TFAP2D: variants seen among roughly 807,000 people sequenced by gnomAD.
The protein encoded by TFAP2D is transcription factor AP-2-delta.
In TFAP2D, 9 loss-of-function variants were observed where a neutral mutation model predicts 43.6. That is an observed-to-expected ratio of 0.21 (90% CI 0.12 to 0.36). TFAP2D has a LOEUF of 0.36. TFAP2D is among the 10% of genes least tolerant of loss of function. The pLI is 1.00. For missense variants in TFAP2D, 513 were observed against 561.4 expected (o/e 0.91, Z 0.87); for synonymous variants, 256 against 224.9 (o/e 1.14, Z -1.24).
intron 5 of TFAP2D, among the ~76,000 whole-genome samples, chr6:50,734,675 C>T (rs2114042088): frequency 6.6e-6 from 1 of 152,222 alleles, no homozygotes; most frequent in African/African-American, 2.4e-5. Flanking sequence ...CTACTATTCT[C>T]ATTCTATAAG....
intron 5 of TFAP2D, among the ~76,000 whole-genome samples, chr6:50,738,848 T>C (rs1054985371): frequency 6.6e-6 from 1 of 152,192 alleles, no homozygotes; most frequent in African/African-American, 2.4e-5. Context: ...TCCAGCCAGA[T>C]AGAGGCTCTT....
chr6:50,720,740 G>A (rs1228085462), intron 3 of TFAP2D, among the ~76,000 whole-genome samples: 1 of 152,124 alleles, frequency 6.6e-6, no homozygotes, highest in Non-Finnish European at 1.5e-5. Flanking sequence ...GGTCTGTTGG[G>A]ACGGGTAAAA....
At chr6:50,755,445 A>AC (rs10694153) in intron 7 of TFAP2D, among the ~76,000 whole-genome samples, 7 of 151,268 alleles carry the variant, frequency 4.6e-5, no homozygotes, top group Admixed American at 2.6e-4. Flanking sequence ...AAAAAAAAAA[A>AC]CTCAAGGATT....
At chr6:50,730,020 G>T (rs1475220385) in intron 5 of TFAP2D, among the ~76,000 whole-genome samples, 1 of 151,710 alleles carries the variant, frequency 6.6e-6, no homozygotes. Flanking sequence ...TTAACATTGT[G>T]GGGAACTTTT....
intron 5 of TFAP2D, among the ~76,000 whole-genome samples, chr6:50,742,270 A>G (rs1769056321): frequency 6.6e-6 from 1 of 151,896 alleles, no homozygotes; most frequent in Non-Finnish European, 1.5e-5. Flanking sequence ...ATCCTGTAAC[A>G]ATGTTATATC....
At chr6:50,734,013 TG>T (rs919851858) in intron 5 of TFAP2D, among the ~76,000 whole-genome samples, 42 of 151,946 alleles carry the variant, frequency 2.8e-4, no homozygotes, top group African/African-American at 9.7e-4. Flanking sequence ...TGTGTGTGTG[TG>T]TGTGTTTAAA....
At position 50,713,936 on chromosome 6, in the gene TFAP2D, A is replaced by T; in HGVS notation, c.-120A>T. ...CAAAACCATTACAATTTAGATATCT[A>T]CCTATAGAACATTTTTTTTTTCCTT... On this transcript the variant is annotated 5_prime_UTR_variant, in exon 1 of 8. Transcript: ENST00000008391. 1.4e-6 allele frequency: 2 copies of T among 1,424,978 alleles called. No individual in the cohort carries two copies. The highest frequency in any genetic ancestry group is 2.0e-6 in the Non-Finnish European group (2 of 1,018,600). 88.3% of individuals were successfully genotyped at this position (1,424,978 alleles called of 1,614,324 possible). A position where few individuals can be genotyped will look rare whatever the true frequency, so the allele number is the denominator to read the frequency against.
At chr6:50,770,183 C>T (rs893341620) in intron 7 of TFAP2D, among the ~76,000 whole-genome samples, 1 of 152,176 alleles carries the variant, frequency 6.6e-6, no homozygotes, top group Non-Finnish European at 1.5e-5. Flanking sequence ...TCCAACAATT[C>T]CATTTGTTGT....
chr6:50,766,043 T>C (rs1769436866), intron 7 of TFAP2D, among the ~76,000 whole-genome samples: 1 of 152,216 alleles, frequency 6.6e-6, no homozygotes, highest in South Asian at 2.1e-4. Flanking sequence ...GTGTATGGTG[T>C]ATGGTGTAAG....
At chr6:50,714,307 G>A (rs1455603265) in intron 1 of TFAP2D, among the ~76,000 whole-genome samples, 1 of 151,952 alleles carries the variant, frequency 6.6e-6, no homozygotes, top group African/African-American at 2.4e-5. Context: ...GCAACTCTCT[G>A]CCACGTTAAG....
At chr6:50,718,661 C>T (rs1337175700) in intron 2 of TFAP2D, among the ~76,000 whole-genome samples, 1 of 152,118 alleles carries the variant, frequency 6.6e-6, no homozygotes, top group East Asian at 1.9e-4. Context: ...TTGTATCCTG[C>T]ATATGAAGTA....
At chr6:50,714,988 C>T in intron 1 of TFAP2D, 128 bp from the exon 2 acceptor site, 3 of 1,287,922 alleles carry the variant, frequency 2.3e-6, no homozygotes, top group East Asian at 2.5e-5. Context: ...CGGCTCGGCC[C>T]GAGTCCTACG....
intron 3 of TFAP2D, among the ~76,000 whole-genome samples, chr6:50,723,384 G>A (rs552301040): frequency 2.0e-5 from 3 of 152,228 alleles, no homozygotes; most frequent in Non-Finnish European, 4.4e-5. Flanking sequence ...GGAGAAAGCC[G>A]TGGATTCTTT....
intron 2 of TFAP2D, among the ~76,000 whole-genome samples, 162 bp from the exon 3 acceptor site, chr6:50,718,928 T>TA (rs951848106): frequency 4.6e-5 from 7 of 152,236 alleles, no homozygotes; most frequent in Non-Finnish European, 1.0e-4. Flanking sequence ...TGCAATTTTT[T>TA]AAAAAATTGT....
At chr6:50,737,180 CT>C (rs1225824520) in intron 5 of TFAP2D, among the ~76,000 whole-genome samples, 2 of 152,162 alleles carry the variant, frequency 1.3e-5, no homozygotes, top group Non-Finnish European at 2.9e-5. Flanking sequence ...GGGGATCTCA[CT>C]TTTTTGCCCA....
chr6:50,756,661 C>A (rs572346107), intron 7 of TFAP2D, among the ~76,000 whole-genome samples: 5 of 152,018 alleles, frequency 3.3e-5, no homozygotes, highest in Non-Finnish European at 7.4e-5. Context: ...TGACAGAAGG[C>A]AGACTTATTC....
Position 50,728,973 on chromosome 6 carries a change from C to G in TFAP2D, c.716C>G (p.Ser239Cys). 6.2e-7 allele frequency: 1 copy of G among 1,614,002 alleles called. No homozygotes were observed. The highest frequency in any genetic ancestry group is 8.5e-7 in the Non-Finnish European group (1 of 1,179,922). The change falls in exon 4 of 8, where the codon TCC becomes TGC. Residue 239 changes from serine to cysteine, a missense_variant. Coordinates refer to ENST00000008391, the MANE Select transcript of TFAP2D (RefSeq NM_172238.4). ...VTIAEVKRRL[S>C]PPECLNASLL... The stretch of plus-strand genomic sequence containing the variant: ...ATTGCTGAGGTAAAGAGGCGCCTCT[C>G]CCCACCTGAGTGCCTCAATGCTTCA...
chr6:50,732,373 A>C (rs1768906631), intron 5 of TFAP2D, among the ~76,000 whole-genome samples: 1 of 152,080 alleles, frequency 6.6e-6, no homozygotes, highest in Admixed American at 6.6e-5. Context: ...AAATTGTTAT[A>C]GAGTAGTCTA....
intron 7 of TFAP2D, among the ~76,000 whole-genome samples, chr6:50,751,987 A>G (rs1180922527): frequency 6.6e-6 from 1 of 151,978 alleles, no homozygotes; most frequent in South Asian, 2.1e-4. Context: ...GAAATCTTTT[A>G]AATTGTTTTT....
Sources: allele counts gnomAD v4.1 joint callset (sites outside exome capture counted in the v4.1 genomes callset), GRCh38; gene constraint gnomAD v4.1.1; transcripts MANE v1.5; gene names NCBI Gene and HGNC (gene_info 2026-07-23, HGNC 2026-07-21).